MBNL2: variants seen among roughly 807,000 people sequenced by gnomAD.
MBNL2 encodes the protein muscleblind-like protein 2.
MBNL2 carries 17 observed loss-of-function variants against 41.9 expected under a neutral mutation model. The observed-to-expected ratio is 0.41, with a 90% CI of 0.28 to 0.61. The LOEUF is 0.61. Ranked by LOEUF, MBNL2 falls within the 20% of genes least tolerant of loss-of-function variation. MBNL2 has a pLI of 0.35. For synonymous variants in MBNL2, 195 were observed against 182.9 expected (o/e 1.07, Z -0.53); for missense variants, 336 against 505.6 (o/e 0.66, Z 3.22).
At chr13:97,212,164 G>A in the MBNL2 span, among the ~76,000 whole-genome samples, 1 of 152,104 alleles carries the variant, frequency 6.6e-6, no homozygotes, top group Non-Finnish European at 1.5e-5. Flanking sequence ...ACAAGGGGTG[G>A]GACTCAGGCA....
the MBNL2 span, among the ~76,000 whole-genome samples, chr13:97,188,025 C>G: frequency 6.6e-6 from 1 of 152,154 alleles, no homozygotes; most frequent in Non-Finnish European, 1.5e-5. Flanking sequence ...TTTCTCATCA[C>G]CACCACTGAC....
intron 2 of MBNL2, among the ~76,000 whole-genome samples, chr13:97,289,801 A>T (rs1240769976): frequency 6.6e-6 from 1 of 152,226 alleles, no homozygotes; most frequent in African/African-American, 2.4e-5. Context: ...TGAAGAAACT[A>T]TAAGCAGACA....
chr13:97,161,490 C>T, the MBNL2 span, among the ~76,000 whole-genome samples: 2 of 152,124 alleles, frequency 1.3e-5, no homozygotes, highest in African/African-American at 4.8e-5. Flanking sequence ...GTGTGAAAGT[C>T]AAAGGTACTG....
chr13:97,197,732 G>A, the MBNL2 span, among the ~76,000 whole-genome samples: 3 of 152,142 alleles, frequency 2.0e-5, no homozygotes, highest in South Asian at 2.1e-4. Flanking sequence ...GTAATGTAAC[G>A]TTTCTCTAGA....
At chr13:97,373,156 A>G (rs754216199) in intron 8 of MBNL2, among the ~76,000 whole-genome samples, 6 of 152,202 alleles carry the variant, frequency 3.9e-5, no homozygotes, top group Admixed American at 1.3e-4. Context: ...TACAGAAAGC[A>G]GCTGGGCCCC....
chr13:97,392,421 A>G lies in MBNL2; in HGVS notation c.*972A>G, dbSNP rs868530643. The G allele has an allele frequency of 3.3e-5, 5 of 152,706 alleles. No homozygotes were observed. The highest frequency in any genetic ancestry group is 2.1e-4 in the South Asian group (1 of 4,824). The allele number at this position is 152,706 out of a possible 1,614,324, so 9.5% of individuals were successfully genotyped here. A position where few individuals can be genotyped will look rare whatever the true frequency, so the allele number is the denominator to read the frequency against. ...GATAGTTTCACTTTTTAAAAAATCC[A>G]TTACTGTTTTGCATTTCAAAAGTTG... On this transcript the variant is annotated 3_prime_UTR_variant, in exon 9 of 9. Coordinates refer to ENST00000679496, the MANE Select transcript of MBNL2 (RefSeq NM_001382683.1).
chr13:97,176,520 G>A, the MBNL2 span, among the ~76,000 whole-genome samples: 1 of 152,106 alleles, frequency 6.6e-6, no homozygotes, highest in Non-Finnish European at 1.5e-5. Flanking sequence ...GAACCTCAAA[G>A]CCTCTCCGGA....
At chr13:97,356,339 C>G (rs577380452) in intron 5 of MBNL2, among the ~76,000 whole-genome samples, 66 of 152,098 alleles carry the variant, frequency 4.3e-4, no homozygotes, top group Non-Finnish European at 8.4e-4. Context: ...TGGGTCATAT[C>G]CTTACTCGAT....
At chr13:97,240,475 A>T (rs1295265305) in intron 1 of MBNL2, among the ~76,000 whole-genome samples, 7 of 152,222 alleles carry the variant, frequency 4.6e-5, no homozygotes, top group Non-Finnish European at 7.3e-5. Context: ...AATAAGATAT[A>T]GTTATCTGGG....
At chr13:97,210,782 G>A in the MBNL2 span, among the ~76,000 whole-genome samples, 21 of 151,574 alleles carry the variant, frequency 1.4e-4, no homozygotes, top group East Asian at 1.9e-4. Context: ...ACTTCTGGCC[G>A]CAAGTGATCC....
At chr13:97,354,536 C>T (rs990752673) in intron 5 of MBNL2, among the ~76,000 whole-genome samples, 5 of 152,128 alleles carry the variant, frequency 3.3e-5, no homozygotes, top group Non-Finnish European at 5.9e-5. Context: ...AAGAGATACA[C>T]GTCACTGTCC....
chr13:97,334,148 C>CCACACACA lies in MBNL2; in HGVS notation c.175-107_175-100dup, dbSNP rs34820289. 0.11 allele frequency: 60,785 copies of CCACACACA among 543,162 alleles called. 1,375 individuals are homozygous for CCACACACA. The highest frequency in any genetic ancestry group is 0.16 in the Admixed American group (4,039 of 25,914). The allele number at this position is 543,162 out of a possible 1,614,324, so 33.6% of individuals were successfully genotyped here. Reference sequence around the variant, plus strand: ...AACACATGAGCATGCGCGCGCACACCCACACACACACACACACACACACAC... The same window carrying CCACACACA: ...AACACATGAGCATGCGCGCGCACACCCACACACACACACACACACACACACACACACAC... On this transcript the variant is annotated intron_variant, in intron 2 of 8. Coordinates refer to ENST00000679496, the MANE Select transcript of MBNL2 (RefSeq NM_001382683.1). This position sits in a 1 kb window ranked among gnomAD's most constrained non-coding sequence, Gnocchi z 5.3.
chr13:97,190,500 T>G, the MBNL2 span, among the ~76,000 whole-genome samples: 1 of 152,198 alleles, frequency 6.6e-6, no homozygotes, highest in East Asian at 1.9e-4. Context: ...AAGCCATGTT[T>G]ATTACAGATC....
chr13:97,325,749 T>G (rs1726052406), intron 2 of MBNL2, among the ~76,000 whole-genome samples: 1 of 152,160 alleles, frequency 6.6e-6, no homozygotes, highest in Non-Finnish European at 1.5e-5. Context: ...AATAAAAAAT[T>G]TTTAAAAGGC....
At chr13:97,280,454 G>A (rs2053144492) in intron 2 of MBNL2, among the ~76,000 whole-genome samples, 1 of 152,110 alleles carries the variant, frequency 6.6e-6, no homozygotes, top group South Asian at 2.1e-4. Context: ...AGAGTATGGG[G>A]GAAAATTGTT....
intron 8 of MBNL2, among the ~76,000 whole-genome samples, chr13:97,390,928 T>A (rs1226181014): frequency 6.6e-6 from 1 of 152,178 alleles, no homozygotes; most frequent in East Asian, 1.9e-4. Context: ...GACTTTTCAG[T>A]ACAAACAAAT....
At chr13:97,364,970 T>C (rs902034505) in intron 7 of MBNL2, among the ~76,000 whole-genome samples, 166 bp from the exon 8 acceptor site, 8 of 152,186 alleles carry the variant, frequency 5.3e-5, no homozygotes, top group African/African-American at 1.9e-4. Context: ...ATAAGTCAGA[T>C]ATATTTGTGT....
the MBNL2 span, among the ~76,000 whole-genome samples, chr13:97,146,157 AT>A: frequency 0.044 from 6,192 of 140,658 alleles, 165 homozygotes; most frequent in African/African-American, 0.069. Context: ...CAACCGGCTA[AT>A]TTTTTTTTTT....
At chr13:97,269,751 G>A (rs1184020736) in intron 1 of MBNL2, among the ~76,000 whole-genome samples, 3 of 152,068 alleles carry the variant, frequency 2.0e-5, no homozygotes, top group Non-Finnish European at 4.4e-5. Flanking sequence ...GAGAAGTGAA[G>A]CCTTCTCCAG....
Sources: allele counts gnomAD v4.1 joint callset (sites outside exome capture counted in the v4.1 genomes callset), GRCh38; gene constraint gnomAD v4.1.1; non-coding constraint Gnocchi (gnomAD v3.1); transcripts MANE v1.5; gene names NCBI Gene and HGNC (gene_info 2026-07-23, HGNC 2026-07-21).